Variants in FBXL13 observed in about 807,000 individuals in gnomAD.
FBXL13 encodes the protein F-box and leucine-rich repeat protein 13.
In FBXL13, 67 loss-of-function variants were observed where a neutral mutation model predicts 83.6. That is an observed-to-expected ratio of 0.80 (90% CI 0.66 to 0.98). The LOEUF is 0.98. Ranked by LOEUF, FBXL13 falls within the 50% of genes least tolerant of loss-of-function variation. FBXL13 has a pLI of 0.00. For synonymous variants in FBXL13, 272 were observed against 299.5 expected, an observed-to-expected ratio of 0.91 and a Z score of 0.95; for missense variants, 822 against 866.5, an observed-to-expected ratio of 0.95 and a Z score of 0.64.
chr7:102,944,195 A>C (rs1007779011), intron 8 of FBXL13: 5 of 1,583,848 alleles, frequency 3.2e-6, no homozygotes, highest in Admixed American at 1.8e-5. Flanking sequence ...CTCAATAAAT[A>C]TTTTCTGTTT....
chr7:102,926,573 T>G (rs923779874), intron 9 of FBXL13, among the ~76,000 whole-genome samples, 199 bp from the exon 11 acceptor site: 1 of 152,216 alleles, frequency 6.6e-6, no homozygotes, highest in African/African-American at 2.4e-5. Context: ...CATTACTCCC[T>G]CCTTTTCCCT....
At chr7:102,846,962 A>G (rs918258486) in intron 17 of FBXL13, among the ~76,000 whole-genome samples, 4 of 152,138 alleles carry the variant, frequency 2.6e-5, no homozygotes, top group Non-Finnish European at 4.4e-5. Context: ...TGGTGTTTAT[A>G]TATTTTGAAT....
intron 19 of FBXL13, among the ~76,000 whole-genome samples, chr7:102,820,805 C>T (rs944777108): frequency 9.9e-5 from 15 of 152,238 alleles, no homozygotes; most frequent in Admixed American, 7.8e-4. Context: ...TTAGTCTGTT[C>T]ATGAGGGCAA....
intron 6 of FBXL13, among the ~76,000 whole-genome samples, chr7:103,004,116 A>T (rs13226567): frequency 0.013 from 1,995 of 152,300 alleles, 22 homozygotes; most frequent in Non-Finnish European, 0.021. Flanking sequence ...TTATGAATGT[A>T]TACCTGTGGC....
intron 8 of FBXL13, among the ~76,000 whole-genome samples, chr7:102,943,546 A>C (rs531424969): frequency 6.6e-6 from 1 of 152,172 alleles, no homozygotes; most frequent in Non-Finnish European, 1.5e-5. Flanking sequence ...CGAAAGAAAC[A>C]CTTTCATTAT....
chr7:102,905,843 G>A (rs940176208), intron 11 of FBXL13, among the ~76,000 whole-genome samples: 4 of 152,064 alleles, frequency 2.6e-5, no homozygotes, highest in Non-Finnish European at 2.9e-5. Flanking sequence ...TAAACCCATT[G>A]TTTTAACCTG....
At chr7:102,892,472 AT>A (rs1811659287) in intron 11 of FBXL13, among the ~76,000 whole-genome samples, 1 of 152,128 alleles carries the variant, frequency 6.6e-6, no homozygotes, top group East Asian at 1.9e-4. Flanking sequence ...AAATTCTACA[AT>A]TTTTTTTCAA....
At chr7:102,898,231 A>G (rs1345843873) in intron 11 of FBXL13, among the ~76,000 whole-genome samples, 2 of 152,206 alleles carry the variant, frequency 1.3e-5, no homozygotes, top group African/African-American at 4.8e-5. Flanking sequence ...GTGTATACAT[A>G]TATATCCATG....
intron 6 of FBXL13, among the ~76,000 whole-genome samples, chr7:103,003,291 T>TTG (rs1790616365): frequency 8.0e-6 from 1 of 125,012 alleles, no homozygotes; most frequent in Non-Finnish European, 1.7e-5. Context: ...TTTTTTTTTT[T>TTG]TTTTTTTTTT....
chr7:103,031,505 T>G (rs1794509007), intron 2 of FBXL13, among the ~76,000 whole-genome samples: 1 of 152,196 alleles, frequency 6.6e-6, no homozygotes, highest in Non-Finnish European at 1.5e-5. Context: ...GTAACAACTT[T>G]GTGGGCAAGT....
At chr7:102,998,779 T>A (rs1228295036) in intron 6 of FBXL13, among the ~76,000 whole-genome samples, 1 of 151,842 alleles carries the variant, frequency 6.6e-6, no homozygotes, top group African/African-American at 2.4e-5. Flanking sequence ...CTAGCCTGGG[T>A]GACATGGCAA....
exon 13 of FBXL13, chr7:102,883,677 A>C (rs1260407135): frequency 6.3e-7 from 1 of 1,595,672 alleles, no homozygotes. Context: ...AGCATTTTTC[A>C]ACTAAAGCCT....
At chr7:102,983,793 A>G (rs1828590075) in intron 6 of FBXL13, among the ~76,000 whole-genome samples, 1 of 152,120 alleles carries the variant, frequency 6.6e-6, no homozygotes, top group East Asian at 1.9e-4. Flanking sequence ...ATGAGATAAG[A>G]TAACTGTAAA....
At chr7:102,867,695 A>ATATATAT (rs1239781180) in intron 16 of FBXL13, among the ~76,000 whole-genome samples, 6 of 49,078 alleles carry the variant, frequency 1.2e-4, no homozygotes, top group African/African-American at 7.3e-4. Context: ...ATATATATAT[A>ATATATAT]TTTTTTTTTT....
At chr7:102,923,353 T>C (rs1817460892) in intron 10 of FBXL13, among the ~76,000 whole-genome samples, 1 of 152,140 alleles carries the variant, frequency 6.6e-6, no homozygotes, top group African/African-American at 2.4e-5. Flanking sequence ...AATACTTCCA[T>C]ATTGGCCAAT....
chr7:102,950,759 G>C (rs1251164215), intron 8 of FBXL13, among the ~76,000 whole-genome samples: 2 of 152,074 alleles, frequency 1.3e-5, no homozygotes, highest in East Asian at 3.8e-4. Context: ...ATCCAAAAAG[G>C]CTACATACTG....
intron 11 of FBXL13, among the ~76,000 whole-genome samples, chr7:102,891,152 C>T (rs1472876895): frequency 1.3e-5 from 2 of 152,200 alleles, no homozygotes; most frequent in East Asian, 1.9e-4. Flanking sequence ...AATACCATGT[C>T]CTCTATAGGG....
chr7:102,963,297 G>GTGCT (rs1381708187), intron 8 of FBXL13, among the ~76,000 whole-genome samples: 2 of 151,174 alleles, frequency 1.3e-5, no homozygotes, highest in Non-Finnish European at 2.9e-5. Flanking sequence ...CTCCAGCCTG[G>GTGCT]GAGACAGAGT....
At chr7:102,945,826 T>C (rs1822377448) in intron 8 of FBXL13, among the ~76,000 whole-genome samples, 1 of 152,228 alleles carries the variant, frequency 6.6e-6, no homozygotes. Context: ...AACCACCTTA[T>C]CTGATACTTG....
Sources: gnomAD v4.1 joint callset for allele counts (sites outside exome capture counted in the v4.1 genomes callset) on GRCh38, gnomAD v4.1.1 for gene constraint, MANE v1.5 for transcripts, NCBI Gene and HGNC (gene_info 2026-07-23, HGNC 2026-07-21) for gene names.